TP53BP1: variants seen among roughly 807,000 people sequenced by gnomAD.
The protein encoded by TP53BP1 is TP53-binding protein 1.
A neutral mutation model predicts 200.8 loss-of-function variants in TP53BP1; 61 were observed. The ratio of observed to expected loss-of-function variants is 0.30; its 90% CI spans 0.25 to 0.38. The LOEUF is 0.38. TP53BP1 is among the 10% of genes least tolerant of loss of function. TP53BP1 has a pLI of 1.00. For synonymous variants in TP53BP1, 822 were observed against 844.3 expected, an observed-to-expected ratio of 0.97 and a Z score of 0.46; for missense variants, 2,144 against 2,371.9, an observed-to-expected ratio of 0.90 and a Z score of 2.00.
chr15:43,481,576 GGAGGCA>G (rs2078967802), intron 4 of TP53BP1, among the ~76,000 whole-genome samples: 1 of 151,622 alleles, frequency 6.6e-6, no homozygotes, highest in Non-Finnish European at 1.5e-5. Context: ...CAGCACTTTG[GGAGGCA>G]GAGGCAGGCA....
chr15:43,458,229 C>T (rs961389763), intron 11 of TP53BP1, among the ~76,000 whole-genome samples: 3 of 150,934 alleles, frequency 2.0e-5, no homozygotes, highest in South Asian at 2.1e-4. Flanking sequence ...GTCAGAAGTT[C>T]GAGACCAACC....
At chr15:43,411,119 G>C (rs1444079200) in intron 24 of TP53BP1, among the ~76,000 whole-genome samples, 1 of 152,116 alleles carries the variant, frequency 6.6e-6, no homozygotes, top group African/African-American at 2.4e-5. Flanking sequence ...CTTAATCCAG[G>C]ACTGGTCTAC....
At chr15:43,474,257 T>TCTCCCTGCACGC (rs1409416174) in intron 10 of TP53BP1, among the ~76,000 whole-genome samples, 2 of 151,874 alleles carry the variant, frequency 1.3e-5, no homozygotes, top group Non-Finnish European at 2.9e-5. Context: ...TGCTCGCACC[T>TCTCCCTGCACGC]CTCCCTGCAC....
intron 24 of TP53BP1, 64 bp downstream of exon 24, chr15:43,413,055 T>C: frequency 1.3e-6 from 2 of 1,527,156 alleles, no homozygotes; most frequent in Non-Finnish European, 1.8e-6. Context: ...CACCAGCTCA[T>C]AAGTGACTGG....
rs2078869655 is a variant in TP53BP1, at chr15:43,475,646, G to C, written c.1004C>G (p.Ser335Cys). 36 of 1,614,046 alleles carry C rather than the reference G, an allele frequency of 2.2e-5. No homozygotes were observed. In the East Asian group the frequency reaches 8.0e-4, roughly 36 times the overall value. ...AGTGGTGGCAGGAGTGGAAGCCAAA[G>C]AACACCCACCTTCCTCCCTTGAAGG... ...STPSREEGGCSLASTPATTLH... is the reference protein window; with the variant it reads ...STPSREEGGCCLASTPATTLH... The change falls in exon 9 of 28, where the codon TCT becomes TGT. Residue 335 changes from serine to cysteine, a missense_variant. Around this residue, in one of 4 missense-constraint regions of TP53BP1, gnomAD observed 1,700 missense variants for 1,710.3 expected, o/e 0.99. Transcript: ENST00000382044.
At chr15:43,446,004 A>AT (rs2046033702) in intron 14 of TP53BP1, among the ~76,000 whole-genome samples, 1 of 152,132 alleles carries the variant, frequency 6.6e-6, no homozygotes, top group Non-Finnish European at 1.5e-5. Flanking sequence ...TCTGGTCCCT[A>AT]CTTTGCATCC....
At position 43,477,719 on chromosome 15, in the gene TP53BP1, C is replaced by T. The variant is rs767637181; in HGVS notation, c.829G>A (p.Ala277Thr). The T allele has an allele frequency of 6.2e-6, 10 of 1,612,370 alleles. No individual in the cohort carries two copies. The highest frequency in any genetic ancestry group is 1.7e-5 in the Admixed American group (1 of 59,508). The change falls in exon 8 of 28, where the codon GCT (alanine) becomes ACT (threonine). Residue 277 changes from alanine (A) to threonine (T), a missense_variant. Ala to Thr is a moderately conservative substitution (Grantham distance 58, BLOSUM62 0). This residue lies in a region of TP53BP1 where 1,700 missense variants were observed against 1,710.3 expected (regional missense o/e 0.99). Transcript: ENST00000382044. ...GACAACTGTTCTTTTGCTTCCATAG[C>T]AGCAACAGATGCTTTGGGGCTAAAA... ...MPFSPKASVA[A>T]MEAKEQLSAQ...
At chr15:43,504,139 ATAAAT>A (rs1175456672) in intron 1 of TP53BP1, among the ~76,000 whole-genome samples, 1 of 152,144 alleles carries the variant, frequency 6.6e-6, no homozygotes, top group Non-Finnish European at 1.5e-5. Flanking sequence ...AAATCAATCA[ATAAAT>A]TAAAACAAAA....
At position 43,446,416 on chromosome 15, in the gene TP53BP1, C is replaced by G. The variant is rs200277921; in HGVS notation, c.3011G>C (p.Ser1004Thr). 1.2e-6 allele frequency: 2 copies of G among 1,614,164 alleles called. No homozygotes were observed. Among genetic ancestry groups the G allele is most frequent in the Non-Finnish European group, 1.7e-6 (2 of 1,180,020 alleles). ...MKLVSPETEA[S>T]EESLQFNLEK... ...CAGGTTGAACTGCAAAGACTCTTCA[C>G]TCGCCTCAGTCTCAGGACTAACCAG... The change falls in exon 14 of 28, where the codon AGT (serine) becomes ACT (threonine). Residue 1004 changes from serine to threonine, a missense_variant. Transcript: ENST00000382044.
chr15:43,428,865 T>C (rs2045610274), intron 17 of TP53BP1, among the ~76,000 whole-genome samples: 2 of 152,122 alleles, frequency 1.3e-5, no homozygotes, highest in Non-Finnish European at 2.9e-5. Flanking sequence ...TTAAATAATA[T>C]TACTTAGGAG....
chr15:43,501,244 G>A (rs1001047188), intron 1 of TP53BP1, among the ~76,000 whole-genome samples: 4 of 149,994 alleles, frequency 2.7e-5, no homozygotes, highest in South Asian at 2.1e-4. Flanking sequence ...CTCTGTGGCC[G>A]AGGCTAGAGT....
Position 43,415,756 on chromosome 15 carries a change from T to C in TP53BP1, c.4927A>G (p.Thr1643Ala), listed in dbSNP as rs201180017. The C allele has an allele frequency of 4.3e-6, 7 of 1,613,960 alleles. No individual in the cohort carries two copies. Among genetic ancestry groups the C allele is most frequent in the Non-Finnish European group, 5.1e-6 (6 of 1,180,024 alleles). The stretch of plus-strand genomic sequence containing the variant: ...CTGCTGCTACTGGAGGCAGTAGGGG[T>C]GGCTGGGGAGCTGACGTTACTGCGC... Reference protein sequence around the residue: ...KRRSNVSSPATPTASSSSSTT... With the variant: ...KRRSNVSSPAAPTASSSSSTT... The change falls in exon 23 of 28, where the codon ACC (threonine) becomes GCC (alanine). Residue 1643 changes from threonine to alanine, a missense_variant. This residue lies in a region of TP53BP1 where 334 missense variants were observed against 453.4 expected (regional missense o/e 0.74). Transcript: ENST00000382044.
At chr15:43,468,919 G>A (rs1159090749) in intron 11 of TP53BP1, among the ~76,000 whole-genome samples, 1 of 152,126 alleles carries the variant, frequency 6.6e-6, no homozygotes, top group East Asian at 1.9e-4. Context: ...AACAAAACAA[G>A]TTTTAAAACT....
At chr15:43,504,663 AC>A (rs563451072) in intron 1 of TP53BP1, among the ~76,000 whole-genome samples, 2 of 152,358 alleles carry the variant, frequency 1.3e-5, no homozygotes, top group African/African-American at 2.4e-5. Flanking sequence ...AACAGCCTAA[AC>A]AAAAAATACA....
chr15:43,461,420 G>A, intron 11 of TP53BP1, among the ~76,000 whole-genome samples: 1 of 151,938 alleles, frequency 6.6e-6, no homozygotes, highest in East Asian at 1.9e-4. Context: ...ATTTTGCCAT[G>A]TTGCCCAGGC....
intron 23 of TP53BP1, among the ~76,000 whole-genome samples, chr15:43,414,403 C>T (rs2045210250): frequency 6.6e-6 from 1 of 152,208 alleles, no homozygotes; most frequent in Non-Finnish European, 1.5e-5. Flanking sequence ...CCCTGAAACA[C>T]AGCAGCAGTT....
chr15:43,472,672 T>C (rs2046754980), intron 10 of TP53BP1, among the ~76,000 whole-genome samples: 1 of 152,238 alleles, frequency 6.6e-6, no homozygotes, highest in Non-Finnish European at 1.5e-5. Context: ...ACCAGAAATG[T>C]GTTCACGTGT....
chr15:43,436,812 C>T (rs1229051142), intron 16 of TP53BP1, among the ~76,000 whole-genome samples: 1 of 151,874 alleles, frequency 6.6e-6, no homozygotes, highest in Non-Finnish European at 1.5e-5. Context: ...GAGATAAAGG[C>T]CTGTAACTCA....
At chr15:43,408,268 G>C in intron 26 of TP53BP1, 180 bp from the exon 27 acceptor site, 1 of 605,626 alleles carries the variant, frequency 1.7e-6, no homozygotes. Context: ...TCTTGGGCCT[G>C]GGAGTTCGAG....
Sources: gnomAD v4.1 joint callset for allele counts (sites outside exome capture counted in the v4.1 genomes callset) on GRCh38, gnomAD v4.1.1 for gene constraint, gnomAD v4.1.1 regional missense constraint, MANE v1.5 for transcripts, NCBI Gene and HGNC (gene_info 2026-07-23, HGNC 2026-07-21) for gene names.